Variants in KCND2 observed in about 807,000 individuals in gnomAD.
The protein encoded by KCND2 is A-type voltage-gated potassium channel KCND2.
KCND2 carries 16 observed loss-of-function variants against 54.4 expected under a neutral mutation model. The ratio of observed to expected loss-of-function variants is 0.29; its 90% CI spans 0.20 to 0.45. The LOEUF (loss-of-function observed/expected upper bound fraction) is 0.45. KCND2 is among the 20% of genes least tolerant of loss of function. The pLI, the probability that KCND2 is intolerant of heterozygous loss-of-function variation, is 1.00. For missense variants in KCND2, 486 were observed against 824.2 expected, an observed-to-expected ratio of 0.59 and a Z score of 5.02; for synonymous variants, 317 against 310.7, an observed-to-expected ratio of 1.02 and a Z score of -0.21.
At chr7:120,731,957 A>T (rs1031446023) in intron 1 of KCND2, among the ~76,000 whole-genome samples, 2 of 152,184 alleles carry the variant, frequency 1.3e-5, no homozygotes, top group Admixed American at 6.5e-5. Context: ...TAGGGAAATG[A>T]GAGTTCCATT....
intron 1 of KCND2, among the ~76,000 whole-genome samples, chr7:120,348,134 T>A (rs1336968652): frequency 6.6e-6 from 1 of 152,192 alleles, no homozygotes; most frequent in Non-Finnish European, 1.5e-5. Flanking sequence ...AAACATTCAG[T>A]CCATTGCAGA....
intron 1 of KCND2, among the ~76,000 whole-genome samples, chr7:120,320,825 C>T (rs1357758221): frequency 1.3e-5 from 2 of 152,124 alleles, no homozygotes; most frequent in East Asian, 3.9e-4. Context: ...GGGGTAGAAC[C>T]ATTAATCAAA....
intron 1 of KCND2, among the ~76,000 whole-genome samples, chr7:120,633,176 G>A (rs1461486482): frequency 2.0e-5 from 3 of 151,904 alleles, no homozygotes; most frequent in African/African-American, 7.2e-5. Context: ...TCTTTTTTTT[G>A]AGACTAAGTC....
chr7:120,498,606 C>T (rs1802886370), intron 1 of KCND2, among the ~76,000 whole-genome samples: 1 of 151,508 alleles, frequency 6.6e-6, no homozygotes, highest in African/African-American at 2.4e-5. Context: ...GAAACCCTGT[C>T]TGTACTAAAA....
intron 1 of KCND2, among the ~76,000 whole-genome samples, chr7:120,614,208 T>G (rs1479336487): frequency 6.6e-6 from 1 of 152,210 alleles, no homozygotes; most frequent in African/African-American, 2.4e-5. Flanking sequence ...AGACAGGGTT[T>G]CGCCATGTTG....
At chr7:120,629,507 A>C (rs1793205943) in intron 1 of KCND2, among the ~76,000 whole-genome samples, 2 of 152,224 alleles carry the variant, frequency 1.3e-5, no homozygotes, top group African/African-American at 4.8e-5. Flanking sequence ...GGAAAAAAAA[A>C]GAAAGGATGC....
At chr7:120,392,513 T>C (rs576741227) in intron 1 of KCND2, among the ~76,000 whole-genome samples, 10 of 151,830 alleles carry the variant, frequency 6.6e-5, no homozygotes, top group Non-Finnish European at 1.5e-4. Context: ...CTTCTAAGAA[T>C]AAAAACCTTA....
intron 1 of KCND2, among the ~76,000 whole-genome samples, chr7:120,383,037 A>G (rs1458155530): frequency 6.6e-6 from 1 of 151,958 alleles, no homozygotes; most frequent in African/African-American, 2.4e-5. Context: ...TGCAGTTCTC[A>G]CCAATGACTC....
chr7:120,434,313 T>G (rs1200774512), intron 1 of KCND2, among the ~76,000 whole-genome samples: 3 of 152,196 alleles, frequency 2.0e-5, no homozygotes, highest in Admixed American at 6.5e-5. Flanking sequence ...GCTTTTTGAC[T>G]TTTTTGTCCC....
chr7:120,576,700 T>C (rs1333572560), intron 1 of KCND2, among the ~76,000 whole-genome samples: 2 of 152,184 alleles, frequency 1.3e-5, no homozygotes, highest in Non-Finnish European at 2.9e-5. Flanking sequence ...AACTGTATCC[T>C]CTATCCTTAG....
In KCND2 at chr7:120,671,773, C is replaced by A. The variant is rs573254583; in HGVS notation, c.1116-61130C>A. On this transcript the variant is annotated intron_variant, in intron 1 of 5. Transcript: ENST00000331113. ...ACCACTGTTTTGCCAGTTTTTTCTGCCCCTTGATCTATTTCCCCAATTAGA... is the reference window on the plus strand; with the variant it reads ...ACCACTGTTTTGCCAGTTTTTTCTGACCCTTGATCTATTTCCCCAATTAGA... Among the ~76,000 whole-genome samples, 45 of 152,190 alleles carry A rather than the reference C, an allele frequency of 3.0e-4. 1 individual carries two copies. The highest frequency in any genetic ancestry group is 6.2e-4 in the Non-Finnish European group (42 of 67,958).
chr7:120,324,665 G>A (rs1419170199), intron 1 of KCND2, among the ~76,000 whole-genome samples: 28 of 150,994 alleles, frequency 1.9e-4, no homozygotes, highest in African/African-American at 6.5e-4. Context: ...CTATAACTCT[G>A]TTTTGGTACC....
chr7:120,454,743 T>A (rs1802169535), intron 1 of KCND2, among the ~76,000 whole-genome samples: 1 of 152,100 alleles, frequency 6.6e-6, no homozygotes, highest in Non-Finnish European at 1.5e-5. Context: ...AGTCATCCTA[T>A]CTCTATTATC....
intron 1 of KCND2, among the ~76,000 whole-genome samples, chr7:120,603,242 A>C (rs1011462687): frequency 1.3e-5 from 2 of 152,222 alleles, no homozygotes; most frequent in African/African-American, 4.8e-5. Flanking sequence ...GTAGTAATAA[A>C]TGTGGAAGCA....
chr7:120,608,291 G>C (rs1278301181), intron 1 of KCND2, among the ~76,000 whole-genome samples: 1 of 152,046 alleles, frequency 6.6e-6, no homozygotes. Flanking sequence ...AGATTTACTT[G>C]TTTTTCAGAG....
At chr7:120,489,667 C>T (rs994067836) in intron 1 of KCND2, among the ~76,000 whole-genome samples, 1 of 152,172 alleles carries the variant, frequency 6.6e-6, no homozygotes, top group African/African-American at 2.4e-5. Context: ...TATTCACTCA[C>T]TCACGTCCTA....
intron 1 of KCND2, among the ~76,000 whole-genome samples, chr7:120,452,216 G>T (rs1332604725): frequency 1.3e-5 from 2 of 152,184 alleles, no homozygotes; most frequent in African/African-American, 4.8e-5. Flanking sequence ...CTGGATTCAT[G>T]TTCTGGTTCT....
chr7:120,747,957 C>T lies in KCND2; in HGVS notation c.*99C>T. ...ACAATAAATATTCTGCAGATTAATGCAGCAAAGAAAGAAGGTTGGTAGTGA... is the reference window on the plus strand; with the variant it reads ...ACAATAAATATTCTGCAGATTAATGTAGCAAAGAAAGAAGGTTGGTAGTGA... On this transcript the variant is annotated 3_prime_UTR_variant, in exon 6 of 6. Coordinates refer to ENST00000331113, the MANE Select transcript of KCND2 (RefSeq NM_012281.3). 1.0e-6 allele frequency: 1 copy of T among 990,906 alleles called. No individual in the cohort carries two copies. Among genetic ancestry groups the T allele is most frequent in the Non-Finnish European group, 1.5e-6 (1 of 649,800 alleles). The allele number at this position is 990,906 out of a possible 1,614,324, so 61.4% of individuals were successfully genotyped here.
At chr7:120,492,106 A>C (rs1416465286) in intron 1 of KCND2, among the ~76,000 whole-genome samples, 3 of 152,120 alleles carry the variant, frequency 2.0e-5, no homozygotes, top group Non-Finnish European at 4.4e-5. Flanking sequence ...AATCAAAAGA[A>C]AGTAATTGAT....
Sources: allele counts gnomAD v4.1 joint callset (sites outside exome capture counted in the v4.1 genomes callset), GRCh38; gene constraint gnomAD v4.1.1; transcripts MANE v1.5; gene names NCBI Gene and HGNC (gene_info 2026-07-23, HGNC 2026-07-21).